TNR: variants seen among roughly 807,000 people sequenced by gnomAD.
TNR encodes tenascin-R.
A neutral mutation model predicts 150.4 loss-of-function variants in TNR; 45 were observed. The ratio of observed to expected loss-of-function variants is 0.30; its 90% confidence interval spans 0.24 to 0.38. The LOEUF is 0.38. TNR is among the 10% of genes least tolerant of loss of function. TNR has a pLI of 1.00. For missense variants in TNR, 1,544 were observed against 1,759.1 expected (o/e 0.88, Z 2.19); for synonymous variants, 687 against 678.4 (o/e 1.01, Z -0.20).
intron 1 of TNR, among the ~76,000 whole-genome samples, chr1:175,620,194 A>G (rs998011783): frequency 1.2e-4 from 18 of 152,216 alleles, no homozygotes; most frequent in African/African-American, 3.9e-4. Context: ...CTGGTTTTTA[A>G]GAGAGTAATA....
chr1:175,706,756 C>A (rs1050813401), intron 1 of TNR, among the ~76,000 whole-genome samples: 1 of 152,118 alleles, frequency 6.6e-6, no homozygotes, highest in South Asian at 2.1e-4. Context: ...AAATCTAATT[C>A]CCCTTCTACA....
chr1:175,389,119 G>C (rs1287653974), intron 7 of TNR, among the ~76,000 whole-genome samples: 1 of 152,076 alleles, frequency 6.6e-6, no homozygotes, highest in Non-Finnish European at 1.5e-5. Flanking sequence ...TGCTATTGTT[G>C]GGCTCATCAC....
chr1:175,471,117 A>G (rs1243052432), intron 2 of TNR, among the ~76,000 whole-genome samples: 2 of 152,210 alleles, frequency 1.3e-5, no homozygotes, highest in African/African-American at 2.4e-5. Context: ...CAATAAATAC[A>G]CCGCAATTAG....
intron 2 of TNR, among the ~76,000 whole-genome samples, chr1:175,452,592 C>T (rs1041700544): frequency 6.6e-6 from 1 of 152,182 alleles, no homozygotes; most frequent in Non-Finnish European, 1.5e-5. Flanking sequence ...GCTCACATGG[C>T]TGTAGCCTGG....
At chr1:175,700,708 G>A (rs562292940) in intron 1 of TNR, among the ~76,000 whole-genome samples, 1 of 152,282 alleles carries the variant, frequency 6.6e-6, no homozygotes, top group South Asian at 2.1e-4. Context: ...AGGTGACCAC[G>A]GAGGTAGAAT....
chr1:175,445,509 C>A (rs994763614), intron 2 of TNR, among the ~76,000 whole-genome samples: 11 of 152,206 alleles, frequency 7.2e-5, no homozygotes, highest in African/African-American at 2.2e-4. Flanking sequence ...AAAGTGTTGA[C>A]TTTACAGGCA....
chr1:175,365,384 GC>G, intron 11 of TNR, 105 bp from the exon 12 acceptor site: 1 of 1,315,188 alleles, frequency 7.6e-7, no homozygotes, highest in Non-Finnish European at 1.0e-6. Flanking sequence ...GCTAATAAGG[GC>G]CACACCTTCA....
chr1:175,734,514 A>G (rs576562268), intron 1 of TNR, among the ~76,000 whole-genome samples: 10 of 152,294 alleles, frequency 6.6e-5, no homozygotes, highest in Non-Finnish European at 1.5e-4. Flanking sequence ...GCAGCAGGGG[A>G]TGCAAGGTCA....
chr1:175,647,139 G>A (rs1039512905), intron 1 of TNR, among the ~76,000 whole-genome samples: 20 of 152,322 alleles, frequency 1.3e-4, no homozygotes, highest in African/African-American at 4.6e-4. Context: ...ATATTTTACA[G>A]CATCCTCCAG....
chr1:175,606,267 TG>T (rs1263951986), intron 1 of TNR, among the ~76,000 whole-genome samples: 1 of 152,124 alleles, frequency 6.6e-6, no homozygotes, highest in Non-Finnish European at 1.5e-5. Flanking sequence ...TGTTTTCTAC[TG>T]GGCCACCAAG....
At chr1:175,495,832 G>A (rs1220972307) in intron 2 of TNR, among the ~76,000 whole-genome samples, 2 of 152,192 alleles carry the variant, frequency 1.3e-5, no homozygotes, top group East Asian at 3.8e-4. Context: ...TTTCACATAG[G>A]CAGTCACAAT....
At chr1:175,447,009 A>G (rs895953792) in intron 2 of TNR, among the ~76,000 whole-genome samples, 2 of 152,154 alleles carry the variant, frequency 1.3e-5, no homozygotes, top group East Asian at 1.9e-4. Context: ...TTATGTTTAC[A>G]TATATGTGTG....
chr1:175,432,162 C>T lies in TNR; in HGVS notation c.-63-25385G>A, dbSNP rs183515083. Among the ~76,000 whole-genome samples the T allele has an allele frequency of 2.3e-3, 345 of 152,188 alleles. 2 individuals are homozygous for T. In the South Asian group the frequency reaches 0.024, roughly 11 times the overall value. Reference sequence around the variant, plus strand: ...CACAGAGGACAATCTGTCCCAGAGGCGGGTCTACAAGGGGTCATCTAAGTG... The same window carrying T: ...CACAGAGGACAATCTGTCCCAGAGGTGGGTCTACAAGGGGTCATCTAAGTG... On this transcript the variant is annotated intron_variant, in intron 2 of 22. Transcript: ENST00000367674.
At chr1:175,387,388 C>G (rs1364073911) in intron 7 of TNR, among the ~76,000 whole-genome samples, 2 of 152,148 alleles carry the variant, frequency 1.3e-5, no homozygotes, top group Admixed American at 6.5e-5. Flanking sequence ...CTCTAATTAG[C>G]CTGTGTTGGA....
intron 2 of TNR, among the ~76,000 whole-genome samples, chr1:175,495,018 T>A (rs1285278308): frequency 2.6e-5 from 4 of 152,216 alleles, no homozygotes; most frequent in African/African-American, 9.7e-5. Context: ...CACACTGTCT[T>A]CAGCGTTCAC....
At chr1:175,667,392 A>G (rs1665560688) in intron 1 of TNR, among the ~76,000 whole-genome samples, 1 of 152,224 alleles carries the variant, frequency 6.6e-6, no homozygotes, top group Non-Finnish European at 1.5e-5. Flanking sequence ...TAATATAAGA[A>G]AATAAAGAGG....
At chr1:175,488,531 G>A (rs916369579) in intron 2 of TNR, among the ~76,000 whole-genome samples, 2 of 152,180 alleles carry the variant, frequency 1.3e-5, no homozygotes, top group Non-Finnish European at 2.9e-5. Flanking sequence ...TTTAGGGGGA[G>A]CTAAGCAGGA....
At chr1:175,549,602 C>A (rs1466214638) in intron 1 of TNR, among the ~76,000 whole-genome samples, 2 of 152,152 alleles carry the variant, frequency 1.3e-5, no homozygotes, top group Non-Finnish European at 2.9e-5. Flanking sequence ...TGGGCCTGTC[C>A]TAATCGCATG....
chr1:175,399,265 C>T (rs773378947), intron 4 of TNR, among the ~76,000 whole-genome samples: 6 of 152,202 alleles, frequency 3.9e-5, no homozygotes, highest in Non-Finnish European at 7.3e-5. Context: ...GAAATGGCCA[C>T]TCCAAATTTC....
Sources: allele counts gnomAD v4.1 joint callset (sites outside exome capture counted in the v4.1 genomes callset), GRCh38; gene constraint gnomAD v4.1.1; transcripts MANE v1.5; gene names NCBI Gene and HGNC (gene_info 2026-07-23, HGNC 2026-07-21).